DUSP9: variants seen among roughly 807,000 people sequenced by gnomAD.
The protein encoded by DUSP9 is dual specificity phosphatase 9, also known as dual specificity protein phosphatase 9.
A neutral mutation model predicts 13.2 loss-of-function variants in DUSP9; 4 were observed. The ratio of observed to expected loss-of-function variants is 0.30; its 90% CI spans 0.15 to 0.69. The LOEUF (loss-of-function observed/expected upper bound fraction) is 0.69. Among genes scored for constraint, DUSP9 ranks in the 30% least tolerant of loss-of-function variants. The probability of loss-of-function intolerance (pLI) is 0.73; values close to 1 mark genes in which losing one functional copy is unlikely to be tolerated. For synonymous variants in DUSP9, 166 were observed against 172.3 expected (o/e 0.96, Z 0.29); for missense variants, 263 against 355.0 (o/e 0.74, Z 2.08).
At position 153,651,116 on chromosome X, in the gene DUSP9, GTGTGTGTGCT is replaced by G. The variant is rs782090305; in HGVS notation, c.*821_*830del. On this transcript the variant is annotated 3_prime_UTR_variant, in exon 4 of 4. Coordinates refer to ENST00000342782, the MANE Select transcript of DUSP9 (RefSeq NM_001318503.2). ...ACACCCCTGTGGGTGGCGGGTGTGC[GTGTGTGTGCT>G]TGTGTGTGCGCACGTGTCGGCGCTC... 1.8e-5 allele frequency: 2 copies of G among 112,054 alleles called. No homozygotes were observed. The highest frequency in any genetic ancestry group is 6.5e-5 in the African/African-American group (2 of 30,847). The allele number at this position is 112,054 out of a possible 1,213,427, so 9.2% of individuals were successfully genotyped here. A position where few individuals can be genotyped will look rare whatever the true frequency, so the allele number is the denominator to read the frequency against.
At chrX:153,649,160 C>T in intron 2 of DUSP9, 72 bp from the exon 3 acceptor site, 1 of 1,042,529 alleles carries the variant, frequency 9.6e-7, no homozygotes, top group East Asian at 3.0e-5. Flanking sequence ...GGGTCATCTC[C>T]CCAGCCCCAG....
Position 153,650,214 on chromosome X carries a change from G to A in DUSP9, c.1064G>A (p.Gly355Asp). The change falls in exon 4 of 4, where the codon GGC becomes GAC. Residue 355 changes from glycine to aspartate, a missense_variant. Coordinates refer to ENST00000342782, the MANE Select transcript of DUSP9 (RefSeq NM_001318503.2). ...RLEERHSQEQ[G>D]SGGQASAASN... ...GAGGAGCGCCACTCGCAGGAGCAGGGCAGTGGGGGGCAGGCATCTGCGGCC... is the reference window on the plus strand; with the variant it reads ...GAGGAGCGCCACTCGCAGGAGCAGGACAGTGGGGGGCAGGCATCTGCGGCC... 6.6e-6 allele frequency: 8 copies of A among 1,211,745 alleles called. No homozygotes were observed. The highest frequency in any genetic ancestry group is 8.9e-6 in the Non-Finnish European group (8 of 895,474).
At chrX:153,645,673 G>A (rs986232552), upstream of DUSP9, among the ~76,000 whole-genome samples, 8 of 113,092 alleles carry the variant, frequency 7.1e-5, no homozygotes, top group Non-Finnish European at 9.4e-5. Flanking sequence ...GCCCATCCTC[G>A]TGTGCATAAC....
At chrX:153,647,624 T>G in intron 1 of DUSP9, 199 bp downstream of exon 1, 1 of 154,199 alleles carries the variant, frequency 6.5e-6, no homozygotes, top group Non-Finnish European at 1.3e-5. Flanking sequence ...AGCTCGAACT[T>G]GGGGAGCGTT....
chrX:153,648,729 C>T (rs1165151572), intron 2 of DUSP9, among the ~76,000 whole-genome samples: 1 of 112,014 alleles, frequency 8.9e-6, no homozygotes, highest in Non-Finnish European at 1.9e-5. Flanking sequence ...GCCTTAGCCT[C>T]CCGAACAGCA....
Position 153,647,945 on chromosome X carries a change from C to G in DUSP9, c.-9C>G, listed in dbSNP as rs1557035720. ...GCCCGTGGTCCAGCGTGTAGGGAGCCGATCGCCCATGGAGGGTCTGGGCCG... is the reference window on the plus strand; with the variant it reads ...GCCCGTGGTCCAGCGTGTAGGGAGCGGATCGCCCATGGAGGGTCTGGGCCG... On this transcript the variant is annotated 5_prime_UTR_variant, in exon 2 of 4. Coordinates refer to ENST00000342782, the MANE Select transcript of DUSP9 (RefSeq NM_001318503.2). 9.6e-7 allele frequency: 1 copy of G among 1,045,320 alleles called. No individual in the cohort carries two copies. Among genetic ancestry groups the G allele is most frequent in the Non-Finnish European group, 1.2e-6 (1 of 818,276 alleles). 86.1% of individuals were successfully genotyped at this position (1,045,320 alleles called of 1,213,427 possible). A position where few individuals can be genotyped will look rare whatever the true frequency, so the allele number is the denominator to read the frequency against.
chrX:153,645,879 A>C (rs2091186151), upstream of DUSP9, among the ~76,000 whole-genome samples: 2 of 112,355 alleles, frequency 1.8e-5, no homozygotes, highest in South Asian at 7.4e-4. Context: ...GAACATTTCT[A>C]ATGCAGTAGG....
chrX:153,649,914 C>CGGAA, intron 3 of DUSP9, 66 bp from the exon 4 acceptor site: 1 of 1,123,800 alleles, frequency 8.9e-7, no homozygotes, highest in South Asian at 2.0e-5. Context: ...GAGGGCCCTT[C>CGGAA]GGAAGGCCTC....
In DUSP9 at chrX:153,648,043, C is replaced by T. The variant is rs1032852576; in HGVS notation, c.90C>T (p.Arg30=). 6 of 1,082,659 alleles carry T rather than the reference C, an allele frequency of 5.5e-6. No individual in the cohort carries two copies. Among genetic ancestry groups the T allele is most frequent in the Non-Finnish European group, 7.1e-6 (6 of 840,341 alleles). The allele number at this position is 1,082,659 out of a possible 1,213,427, so 89.2% of individuals were successfully genotyped here. A position where few individuals can be genotyped will look rare whatever the true frequency, so the allele number is the denominator to read the frequency against. The change falls in exon 2 of 4, where the codon CGC becomes CGT. Residue 30 remains arginine, a synonymous_variant. Transcript: ENST00000342782. ...TCCTGCTCCTGGACTGCCGCAGCCG[C>T]GAGCTGTACGAGTCGGCGCGCATCG... ...PRLLLLDCRS[R]ELYESARIGG... is the part of the protein sequence containing the mutation.
chrX:153,642,442 G>A (rs956028427), upstream of DUSP9: 11 of 114,140 alleles, frequency 9.6e-5, no homozygotes, highest in East Asian at 8.6e-4. Context: ...GCGGGATTTG[G>A]AGTTTCCCTC....
intron 3 of DUSP9, 39 bp from the exon 4 acceptor site, chrX:153,649,941 G>A (rs2091206886): frequency 3.4e-6 from 4 of 1,177,045 alleles, no homozygotes; most frequent in Non-Finnish European, 4.6e-6. Context: ...ACACACGCCT[G>A]CCCTCCGGGT....
rs1557036245 is a variant in DUSP9, at chrX:153,650,052, C to T, written c.902C>T (p.Thr301Ile). The T allele has an allele frequency of 2.5e-6, 3 of 1,211,693 alleles. No homozygotes were observed. Among genetic ancestry groups the T allele is most frequent in the South Asian group, 1.8e-5 (1 of 57,035 alleles). Residue 301 changes from threonine to isoleucine, a missense_variant, in exon 4 of 4, where the codon ACT (threonine) becomes ATT (isoleucine). By Grantham distance (89) the Thr-to-Ile change is moderately conservative (BLOSUM62 -1). Coordinates refer to ENST00000342782, the MANE Select transcript of DUSP9 (RefSeq NM_001318503.2). ...LAGVSRSVTV[T>I]VAYLMQKLHL... ...GGGGTCAGCCGTTCTGTCACCGTCA[C>T]TGTGGCCTACCTCATGCAGAAGCTC... is the stretch of plus-strand genomic sequence containing the variant.
upstream of DUSP9, among the ~76,000 whole-genome samples, chrX:153,645,408 A>G (rs1175820405): frequency 8.8e-6 from 1 of 113,101 alleles, no homozygotes; most frequent in Non-Finnish European, 1.9e-5. Flanking sequence ...ACGCAGGGAC[A>G]TGGGGGGTGT....
upstream of DUSP9, among the ~76,000 whole-genome samples, chrX:153,644,200 C>T (rs1317929523): frequency 1.3e-4 from 13 of 103,072 alleles, no homozygotes; most frequent in African/African-American, 4.2e-4. Flanking sequence ...GCGCACGCGG[C>T]GCGCGCGAGG....
In DUSP9 at chrX:153,649,310, C is replaced by T. The variant is rs61737093; in HGVS notation, c.452C>T (p.Ala151Val). 2.4e-3 allele frequency: 2,848 copies of T among 1,209,171 alleles called. 48 individuals carry two copies. In the African/African-American group the frequency reaches 0.043, roughly 18 times the overall value. Residue 151 changes from alanine (A) to valine (V), a missense_variant, in exon 3 of 4, where the codon GCG (alanine) becomes GTG (valine). Transcript: ENST00000342782. Reference sequence around the variant, plus strand: ...GCTGGCCGTGCCGGCTCCAGCATGGCGCCGGTGCCCGGTCCAGTGCCCGTG... The same window carrying T: ...GCTGGCCGTGCCGGCTCCAGCATGGTGCCGGTGCCCGGTCCAGTGCCCGTG... ...SLAGRAGSSMAPVPGPVPVVG... is the reference protein window; with the variant it reads ...SLAGRAGSSMVPVPGPVPVVG...
intron 3 of DUSP9, 121 bp from the exon 4 acceptor site, chrX:153,649,859 C>T: frequency 1.0e-6 from 1 of 961,819 alleles, no homozygotes; most frequent in Non-Finnish European, 1.4e-6. Flanking sequence ...CTAGAGAAAC[C>T]TGCAGGTCGT....
chrX:153,649,595 A>G lies in DUSP9; in HGVS notation c.737A>G (p.Lys246Arg), dbSNP rs1569538048. ...VTPNLPNFFE[K>R]NGDFHYKQIP... is the part of the protein sequence containing the mutation. ...CCCAACCTCCCAAACTTCTTCGAGA[A>G]GAATGGTGACTTTCACTACAAGCAG... The change falls in exon 3 of 4, where the codon AAG (lysine) becomes AGG (arginine). Residue 246 changes from lysine to arginine, a missense_variant. Physicochemically the swap from Lys to Arg is conservative, Grantham distance 26. Coordinates refer to ENST00000342782, the MANE Select transcript of DUSP9 (RefSeq NM_001318503.2). The G allele has an allele frequency of 1.3e-5, 16 of 1,210,778 alleles. No homozygotes were observed. Among genetic ancestry groups the G allele is most frequent in the Non-Finnish European group, 1.7e-5 (15 of 895,379 alleles).
At position 153,647,440 on chromosome X, in the gene DUSP9, G is replaced by A. The variant is rs1200135954; in HGVS notation, c.-36+15G>A. On this transcript the variant is annotated intron_variant, in intron 1 of 3. Coordinates refer to ENST00000342782, the MANE Select transcript of DUSP9 (RefSeq NM_001318503.2). ...TCTCGCTCCAGGTCTCTTTCCTTTT[G>A]TTCTCTCCTAGGGGTAGGGGGAGAT... is the stretch of plus-strand genomic sequence containing the variant. 1 of 111,102 alleles carries A rather than the reference G, an allele frequency of 9.0e-6. No homozygotes were observed. Among genetic ancestry groups the A allele is most frequent in the East Asian group, 2.8e-4 (1 of 3,518 alleles). 9.2% of individuals were successfully genotyped at this position (111,102 alleles called of 1,213,427 possible). A position where few individuals can be genotyped will look rare whatever the true frequency, so the allele number is the denominator to read the frequency against.
chrX:153,643,562 G>C (rs1394025765), upstream of DUSP9: 1 of 326,683 alleles, frequency 3.1e-6, no homozygotes, highest in African/African-American at 2.7e-5. Flanking sequence ...AGGGGCCCCG[G>C]GGAGGGGCGG....
Sources: gnomAD v4.1 joint callset for allele counts (sites outside exome capture counted in the v4.1 genomes callset) on GRCh38, gnomAD v4.1.1 for gene constraint, MANE v1.5 for transcripts, NCBI Gene and HGNC (gene_info 2026-07-23, HGNC 2026-07-21) for gene names.